RAB23: variants seen among roughly 807,000 people sequenced by gnomAD.
RAB23 encodes ras-related protein Rab-23.
A neutral mutation model predicts 30.0 loss-of-function variants in RAB23; 15 were observed. That is an observed-to-expected ratio of 0.50 (90% CI 0.33 to 0.77). The LOEUF (loss-of-function observed/expected upper bound fraction) is 0.77. RAB23 is among the 30% of genes least tolerant of loss of function. The pLI, the probability that RAB23 is intolerant of heterozygous loss-of-function variation, is 0.02. For missense variants in RAB23, 243 were observed against 275.4 expected (o/e 0.88, Z 0.83); for synonymous variants, 93 against 94.0 (o/e 0.99, Z 0.06).
Position 57,188,908 on chromosome 6 carries a change from A to AGAT in RAB23, c.*1550_*1552dup, listed in dbSNP as rs1359659105. 2 of 152,206 alleles carry AGAT rather than the reference A, an allele frequency of 1.3e-5. No individual in the cohort carries two copies. The highest frequency in any genetic ancestry group is 2.4e-5 in the African/African-American group (1 of 41,456). 9.4% of individuals were successfully genotyped at this position (152,206 alleles called of 1,614,324 possible). A position where few individuals can be genotyped will look rare whatever the true frequency, so the allele number is the denominator to read the frequency against. On this transcript the variant is annotated 3_prime_UTR_variant, in exon 7 of 7. Coordinates refer to ENST00000468148, the MANE Select transcript of RAB23 (RefSeq NM_016277.5). ...AACATTAGGAGGATGAGGGGAGTACAGATGGAAAAACAAAAGATAAAACAC... is the reference window on the plus strand; with the variant it reads ...AACATTAGGAGGATGAGGGGAGTACAGATGATGGAAAAACAAAAGATAAAACAC...
Position 57,190,353 on chromosome 6 carries a change from G to T in RAB23, c.*108C>A. The T allele has an allele frequency of 7.8e-7, 1 of 1,286,576 alleles. No individual in the cohort carries two copies. The highest frequency in any genetic ancestry group is 1.1e-6 in the Non-Finnish European group (1 of 889,620). 79.7% of individuals were successfully genotyped at this position (1,286,576 alleles called of 1,614,324 possible). A position where few individuals can be genotyped will look rare whatever the true frequency, so the allele number is the denominator to read the frequency against. ...TATTTAAGTCTGTCACTTTCAGAGA[G>T]CCATTAGGAGCAAAGTCTGCTGAAA... On this transcript the variant is annotated 3_prime_UTR_variant, in exon 7 of 7. Transcript: ENST00000468148.
chr6:57,210,774 C>T (rs893167359), intron 1 of RAB23, among the ~76,000 whole-genome samples: 5 of 152,202 alleles, frequency 3.3e-5, no homozygotes, highest in Admixed American at 2.6e-4. Flanking sequence ...TTAGTGAACA[C>T]GTTGCTTAAC....
At chr6:57,193,716 A>G in intron 6 of RAB23, 126 bp downstream of exon 6, 1 of 1,314,630 alleles carries the variant, frequency 7.6e-7, no homozygotes, top group Non-Finnish European at 1.0e-6. Context: ...GAGACCTGAT[A>G]CTTAAATCAC....
chr6:57,195,110 A>C (rs1322828173), intron 4 of RAB23, among the ~76,000 whole-genome samples: 1 of 152,186 alleles, frequency 6.6e-6, no homozygotes, highest in Non-Finnish European at 1.5e-5. Flanking sequence ...AGAAATAAAC[A>C]CCAACTGTTA....
chr6:57,195,019 T>A, intron 4 of RAB23, among the ~76,000 whole-genome samples, 167 bp from the exon 5 acceptor site: 1 of 152,336 alleles, frequency 6.6e-6, no homozygotes, highest in Middle Eastern at 3.4e-3. Flanking sequence ...GAGCTTGATA[T>A]AATTTCCCAG....
intron 1 of RAB23, among the ~76,000 whole-genome samples, chr6:57,216,131 A>G (rs1252489224): frequency 1.3e-5 from 2 of 152,248 alleles, no homozygotes; most frequent in African/African-American, 4.8e-5. Flanking sequence ...ACAGTATTCA[A>G]TACAGTAACA....
At chr6:57,220,457 T>A (rs1019322684) in intron 1 of RAB23, among the ~76,000 whole-genome samples, 1 of 152,238 alleles carries the variant, frequency 6.6e-6, no homozygotes, top group Admixed American at 6.5e-5. Context: ...ATGGTATTTA[T>A]AGCAGATTGA....
intron 1 of RAB23, among the ~76,000 whole-genome samples, chr6:57,216,860 C>T (rs907290019): frequency 7.8e-5 from 11 of 141,670 alleles, no homozygotes; most frequent in African/African-American, 2.7e-4. Context: ...TGTCACGGTG[C>T]TGATGGCAGT....
chr6:57,211,538 C>T (rs762049393), intron 1 of RAB23, among the ~76,000 whole-genome samples: 5 of 152,140 alleles, frequency 3.3e-5, no homozygotes, highest in Non-Finnish European at 5.9e-5. Flanking sequence ...AATTCAAAAT[C>T]TGTAGAAATT....
At chr6:57,201,585 A>G (rs1196126315) in intron 3 of RAB23, among the ~76,000 whole-genome samples, 1 of 152,228 alleles carries the variant, frequency 6.6e-6, no homozygotes, top group Non-Finnish European at 1.5e-5. Context: ...CCTGGTATAA[A>G]AACGTTCAGG....
intron 2 of RAB23, among the ~76,000 whole-genome samples, chr6:57,209,920 A>C (rs1167153845): frequency 6.6e-6 from 1 of 152,218 alleles, no homozygotes; most frequent in Admixed American, 6.5e-5. Context: ...TGGAAATCTC[A>C]CTGGAGTCAG....
chr6:57,198,121 CAGAA>C (rs1562652322), intron 3 of RAB23, among the ~76,000 whole-genome samples: 1 of 151,930 alleles, frequency 6.6e-6, no homozygotes, highest in East Asian at 1.9e-4. Context: ...ATGCAAAATA[CAGAA>C]AGAGAGAGAC....
chr6:57,197,243 T>G (rs1189066289), intron 3 of RAB23, among the ~76,000 whole-genome samples: 4 of 152,070 alleles, frequency 2.6e-5, no homozygotes, highest in African/African-American at 9.7e-5. Flanking sequence ...AATAGAGGGG[T>G]TGGGGGAAAC....
rs747381359 is a variant in RAB23, at chr6:57,190,337, CTG to C, written c.*122_*123del. On this transcript the variant is annotated 3_prime_UTR_variant, in exon 7 of 7. Coordinates refer to ENST00000468148, the MANE Select transcript of RAB23 (RefSeq NM_016277.5). ...AAGCACTGCAGAGCAATATTTAAGTCTGTCACTTTCAGAGAGCCATTAGGAGC... is the reference window on the plus strand; with the variant it reads ...AAGCACTGCAGAGCAATATTTAAGTCTCACTTTCAGAGAGCCATTAGGAGC... 20 of 1,151,214 alleles carry C rather than the reference CTG, an allele frequency of 1.7e-5. No individual in the cohort carries two copies. Among genetic ancestry groups the C allele is most frequent in the Non-Finnish European group, 2.5e-5 (19 of 773,854 alleles). 71.3% of individuals were successfully genotyped at this position (1,151,214 alleles called of 1,614,324 possible).
At position 57,193,864 on chromosome 6, in the gene RAB23, C is replaced by A. The variant is rs201731610; in HGVS notation, c.552G>T (p.Thr184=). 1.9e-6 allele frequency: 3 copies of A among 1,612,750 alleles called. No homozygotes were observed. Among genetic ancestry groups the A allele is most frequent in the African/African-American group, 2.7e-5 (2 of 74,976 alleles). The part of the protein sequence containing the change: ...KQQIAEDPEL[T]HSSSNKIGVF... Reference sequence around the variant, plus strand: ...TACCAATCTTGTTACTACTTGAATGCGTTAGTTCTGGATCCTCAGCTATTT... The same window carrying A: ...TACCAATCTTGTTACTACTTGAATGAGTTAGTTCTGGATCCTCAGCTATTT... The change falls in exon 6 of 7, where the codon ACG becomes ACT. Residue 184 remains threonine (T), a synonymous_variant. Coordinates refer to ENST00000468148, the MANE Select transcript of RAB23 (RefSeq NM_016277.5).
At chr6:57,216,232 C>T (rs772321790) in intron 1 of RAB23, among the ~76,000 whole-genome samples, 3 of 152,164 alleles carry the variant, frequency 2.0e-5, no homozygotes, top group Non-Finnish European at 4.4e-5. Context: ...TGTGTAAGTA[C>T]ATTTTAGTAT....
Position 57,190,176 on chromosome 6 carries a change from A to C in RAB23, c.*285T>G. 1 of 357,674 alleles carries C rather than the reference A, an allele frequency of 2.8e-6. No individual in the cohort carries two copies. 22.2% of individuals were successfully genotyped at this position (357,674 alleles called of 1,614,324 possible). A position where few individuals can be genotyped will look rare whatever the true frequency, so the allele number is the denominator to read the frequency against. On this transcript the variant is annotated 3_prime_UTR_variant, in exon 7 of 7. Transcript: ENST00000468148. ...TCATTTATGTTTTCCAGCATTTAAA[A>C]TTCCGCAAAACCTGTGTTTGAAATT...
At position 57,190,698 on chromosome 6, in the gene RAB23, T is replaced by C. The variant is rs537181253; in HGVS notation, c.575-98A>G. 8.4e-5 allele frequency: 124 copies of C among 1,472,308 alleles called. No individual in the cohort carries two copies. In the African/African-American group the frequency reaches 1.4e-3, roughly 17 times the overall value. The allele number at this position is 1,472,308 out of a possible 1,614,324, so 91.2% of individuals were successfully genotyped here. A position where few individuals can be genotyped will look rare whatever the true frequency, so the allele number is the denominator to read the frequency against. On this transcript the variant is annotated intron_variant, in intron 6 of 6. Coordinates refer to ENST00000468148, the MANE Select transcript of RAB23 (RefSeq NM_016277.5). ...AAAATCAGTAATATTTTCAAGTATT[T>C]ACAGTTTCTCTAAAATTGTAGTAAA...
intron 1 of RAB23, among the ~76,000 whole-genome samples, chr6:57,212,004 C>T (rs1266295319): frequency 6.6e-6 from 1 of 152,160 alleles, no homozygotes; most frequent in African/African-American, 2.4e-5. Flanking sequence ...TAAGAATCAC[C>T]TAAAAGTACT....
Sources: allele counts gnomAD v4.1 joint callset (sites outside exome capture counted in the v4.1 genomes callset), GRCh38; gene constraint gnomAD v4.1.1; transcripts MANE v1.5; gene names NCBI Gene and HGNC (gene_info 2026-07-23, HGNC 2026-07-21).